The following POFUT2 variants were observed in gnomAD, a reference collection of about 807,000 sequenced individuals.
POFUT2 encodes the protein GDP-fucose protein O-fucosyltransferase 2.
Under a neutral mutation model 55.0 loss-of-function variants are expected in POFUT2, and 30 were observed. The observed-to-expected ratio is 0.55, with a 90% CI of 0.41 to 0.74. The LOEUF is 0.74. Among genes scored for constraint, POFUT2 ranks in the 30% least tolerant of loss-of-function variants. The pLI, the probability that POFUT2 is intolerant of heterozygous loss-of-function variation, is 0.00. For missense variants in POFUT2, 524 were observed against 562.6 expected, an observed-to-expected ratio of 0.93 and a Z score of 0.69; for synonymous variants, 267 against 231.1, an observed-to-expected ratio of 1.16 and a Z score of -1.41.
At position 45,264,611 on chromosome 21, in the gene POFUT2, AGGCCCCATGTGCACCTGCCAGCCGGGGC is replaced by A; in HGVS notation, c.*843_*870del. 6.7e-6 allele frequency: 1 copy of A among 149,958 alleles called. No individual in the cohort carries two copies. Among genetic ancestry groups the A allele is most frequent in the Admixed American group, 6.7e-5 (1 of 14,962 alleles). The allele number at this position is 149,958 out of a possible 1,614,324, so 9.3% of individuals were successfully genotyped here. On this transcript the variant is annotated 3_prime_UTR_variant, in exon 9 of 9. Transcript: ENST00000349485. ...TCTCAATAGCGAATGGCAGACCTGG[AGGCCCCATGTGCACCTGCCAGCCGGGGC>A]GAGGGCAGGGACGGCCAGCCGGGCG... is the stretch of plus-strand genomic sequence containing the variant.
At position 45,282,509 on chromosome 21, in the gene POFUT2, A is replaced by G. The variant is rs776933981; in HGVS notation, c.528-50T>C. Reference sequence around the variant, plus strand: ...TCTATCAGTTTATTTTGCTTTCACAAGGAAAACAAATCAAGTCTAGACACG... The same window carrying G: ...TCTATCAGTTTATTTTGCTTTCACAGGGAAAACAAATCAAGTCTAGACACG... On this transcript the variant is annotated intron_variant, in intron 3 of 8. Transcript: ENST00000349485. This position sits in a 1 kb window ranked among gnomAD's most constrained non-coding sequence, Gnocchi z 4.6. 8.9e-7 allele frequency: 1 copy of G among 1,125,810 alleles called. No individual in the cohort carries two copies. The highest frequency in any genetic ancestry group is 1.3e-6 in the Non-Finnish European group (1 of 742,802). 69.7% of individuals were successfully genotyped at this position (1,125,810 alleles called of 1,614,324 possible). A position where few individuals can be genotyped will look rare whatever the true frequency, so the allele number is the denominator to read the frequency against.
At chr21:45,273,231 A>G (rs2093234080) in intron 6 of POFUT2, among the ~76,000 whole-genome samples, 1 of 152,234 alleles carries the variant, frequency 6.6e-6, no homozygotes, top group South Asian at 2.1e-4. Context: ...TAGAAACACA[A>G]AATAATCATC....
In POFUT2 at chr21:45,274,221, GCAAA is replaced by G. The variant is rs944016466; in HGVS notation, c.831+2792_831+2795del. Among the ~76,000 whole-genome samples, 29 of 152,062 alleles carry G rather than the reference GCAAA, an allele frequency of 1.9e-4. 1 individual carries two copies. Among genetic ancestry groups the G allele is most frequent in the East Asian group, 3.9e-4 (2 of 5,190 alleles). ...GAACTCAACTCCTTTTACAACAGCT[GCAAA>G]CAAACAAACAAACAAAAACAACCAA... On this transcript the variant is annotated intron_variant, in intron 6 of 8. Coordinates refer to ENST00000349485, the MANE Select transcript of POFUT2 (RefSeq NM_133635.6).
At chr21:45,287,703 C>A in intron 1 of POFUT2, 38 bp downstream of exon 1, 1 of 1,403,224 alleles carries the variant, frequency 7.1e-7, no homozygotes, top group South Asian at 1.6e-5. Context: ...CTGCCCGGTC[C>A]TGGAACCCCA....
In POFUT2 at chr21:45,283,538, C is replaced by T. The variant is rs773996598; in HGVS notation, c.383-11G>A. 6.2e-7 allele frequency: 1 copy of T among 1,612,894 alleles called. No homozygotes were observed. Among genetic ancestry groups the T allele is most frequent in the African/African-American group, 1.3e-5 (1 of 74,856 alleles). ...AGGGCCCACCAGATTCTGAAAGACA[C>T]CAAGAAAAGCCAGGCAGTGTGACAG... is the stretch of plus-strand genomic sequence containing the variant. On this transcript the variant is annotated splice_polypyrimidine_tract_variant and intron_variant, in intron 2 of 8. Coordinates refer to ENST00000349485, the MANE Select transcript of POFUT2 (RefSeq NM_133635.6).
chr21:45,266,317 A>C, intron 8 of POFUT2: 3 of 1,364,444 alleles, frequency 2.2e-6, no homozygotes, highest in Non-Finnish European at 2.9e-6. Context: ...AGCAGGCCAC[A>C]CAGGCCTGTA....
rs2030030901 is a variant in POFUT2 at position 45,278,119 on chromosome 21, C to T, written c.689G>A (p.Gly230Glu). The change falls in exon 5 of 9, where the codon GGG becomes GAG. Residue 230 changes from glycine to glutamate, a missense_variant. This residue lies in a region of POFUT2 where 250 missense variants were observed against 318.2 expected (regional missense o/e 0.79). Coordinates refer to ENST00000349485, the MANE Select transcript of POFUT2 (RefSeq NM_133635.6). ...AACACTCACATCCCAGTATTCTTTC[C>T]CTCCATAGTGGTCGTGAAGTAGGTT... ...AENLLHDHYGGKEYWDTRRSM... is the reference protein window; with the variant it reads ...AENLLHDHYGEKEYWDTRRSM... The T allele has an allele frequency of 6.2e-7, 1 of 1,613,654 alleles. No individual in the cohort carries two copies. Among genetic ancestry groups the T allele is most frequent in the Non-Finnish European group, 8.5e-7 (1 of 1,179,530 alleles).
intron 7 of POFUT2, among the ~76,000 whole-genome samples, chr21:45,269,587 C>T (rs556721204): frequency 2.0e-5 from 3 of 152,078 alleles, no homozygotes; most frequent in East Asian, 1.9e-4. Context: ...CGCTTGAAGG[C>T]AGCATGCTCG....
intron 4 of POFUT2, 21 bp from the exon 5 acceptor site, chr21:45,278,190 A>G: frequency 6.3e-7 from 1 of 1,592,426 alleles, no homozygotes; most frequent in Non-Finnish European, 8.6e-7. Context: ...ACAACAGAAG[A>G]ATAAACAGTT....
Position 45,284,170 on chromosome 21 carries a change from C to T in POFUT2, c.383-643G>A, listed in dbSNP as rs951205167. On this transcript the variant is annotated intron_variant, in intron 2 of 8. Transcript: ENST00000349485. This position sits in a 1 kb window ranked among gnomAD's most constrained non-coding sequence, Gnocchi z 5.8. ...GGCAGGAACAAAGCGGGAGGGAGCA[C>T]CGCGCAGGTGAAATTCTGGGGCAGG... Among the ~76,000 whole-genome samples, 3 of 146,704 alleles carry T rather than the reference C, an allele frequency of 2.0e-5. No individual in the cohort carries two copies. Among genetic ancestry groups the T allele is most frequent in the Admixed American group, 6.8e-5 (1 of 14,604 alleles).
At position 45,287,732 on chromosome 21, in the gene POFUT2, C is replaced by G; in HGVS notation, c.131+9G>C. 6.9e-7 allele frequency: 1 copy of G among 1,443,724 alleles called. No individual in the cohort carries two copies. The highest frequency in any genetic ancestry group is 9.2e-7 in the Non-Finnish European group (1 of 1,089,164). The allele number at this position is 1,443,724 out of a possible 1,614,324, so 89.4% of individuals were successfully genotyped here. A position where few individuals can be genotyped will look rare whatever the true frequency, so the allele number is the denominator to read the frequency against. On this transcript the variant is annotated intron_variant, in intron 1 of 8. Transcript: ENST00000349485. ...AACCCCAGCGTTGGCACCGTGGACG[C>G]GCGTTTACCGTCTGCGGGAAGCCGC... is the stretch of plus-strand genomic sequence containing the variant.
chr21:45,283,330 G>A, intron 3 of POFUT2, 53 bp downstream of exon 3: 2 of 1,123,732 alleles, frequency 1.8e-6, no homozygotes, highest in Non-Finnish European at 2.4e-6. Flanking sequence ...GACGCATGCG[G>A]CAGGGGGAGG....
At chr21:45,283,044 C>T (rs1464453522) in intron 3 of POFUT2, 11 of 401,224 alleles carry the variant, frequency 2.7e-5, no homozygotes, top group African/African-American at 4.2e-5. Flanking sequence ...AAAGGGGAAC[C>T]GCCTGTCAAG....
intron 6 of POFUT2, among the ~76,000 whole-genome samples, chr21:45,272,461 G>A (rs1489859930): frequency 6.6e-6 from 1 of 152,110 alleles, no homozygotes; most frequent in Non-Finnish European, 1.5e-5. Flanking sequence ...CATAAGTGGG[G>A]ACTTCAATAC....
At chr21:45,274,867 C>T (rs8132135) in intron 6 of POFUT2, among the ~76,000 whole-genome samples, 62,453 of 152,046 alleles carry the variant, frequency 0.41, 13,364 homozygotes, top group South Asian at 0.54. Context: ...CTTCTAGACA[C>T]TGGCTTAGGC....
At chr21:45,268,520 T>C in intron 7 of POFUT2, among the ~76,000 whole-genome samples, 3 of 137,866 alleles carry the variant, frequency 2.2e-5, no homozygotes, top group Admixed American at 7.2e-5. Flanking sequence ...CCGGCCGCCA[T>C]CCCATCTAGG....
At position 45,285,761 on chromosome 21, in the gene POFUT2, A is replaced by T; in HGVS notation, c.299T>A (p.Val100Asp). ...YHWQSPDIHQ[V>D]RIPWSEFFDL... ...AAAAAACTCAGACCAGGGAATCCGGACCTGGTGGATGTCAGGACTCTGCCA... is the reference window on the plus strand; with the variant it reads ...AAAAAACTCAGACCAGGGAATCCGGTCCTGGTGGATGTCAGGACTCTGCCA... The change falls in exon 2 of 9, where the codon GTC (valine) becomes GAC (aspartate). Residue 100 changes from valine to aspartate, a missense_variant. Val to Asp is a radical substitution (Grantham distance 152, BLOSUM62 -3). Around this residue, in one of 2 missense-constraint regions of POFUT2, gnomAD observed 274 missense variants for 244.4 expected, o/e 1.12. Coordinates refer to ENST00000349485, the MANE Select transcript of POFUT2 (RefSeq NM_133635.6). The surrounding 1 kb of genome is among the most constrained non-coding windows in gnomAD (Gnocchi z 4.9). The T allele has an allele frequency of 6.2e-7, 1 of 1,613,502 alleles. No homozygotes were observed. The highest frequency in any genetic ancestry group is 8.5e-7 in the Non-Finnish European group (1 of 1,179,720).
chr21:45,285,557 G>T lies in POFUT2; in HGVS notation c.382+121C>A. On this transcript the variant is annotated intron_variant, in intron 2 of 8. Transcript: ENST00000349485. This position sits in a 1 kb window ranked among gnomAD's most constrained non-coding sequence, Gnocchi z 4.9. ...CACAGGCCTCAGGCAGCAGCACTGG[G>T]CACTGGAGGATGCTGGTGAGGCTGG... 1 of 1,194,086 alleles carries T rather than the reference G, an allele frequency of 8.4e-7. No individual in the cohort carries two copies. Among genetic ancestry groups the T allele is most frequent in the Non-Finnish European group, 1.2e-6 (1 of 818,920 alleles). 74.0% of individuals were successfully genotyped at this position (1,194,086 alleles called of 1,614,324 possible).
At chr21:45,286,338 A>G (rs571353830) in intron 1 of POFUT2, among the ~76,000 whole-genome samples, 5 of 152,364 alleles carry the variant, frequency 3.3e-5, no homozygotes, top group African/African-American at 1.2e-4. Context: ...TTCAGCTAAA[A>G]ATAAGAAGCC....
Sources: allele counts gnomAD v4.1 joint callset (sites outside exome capture counted in the v4.1 genomes callset), GRCh38; gene constraint gnomAD v4.1.1; regional missense constraint gnomAD v4.1.1; non-coding constraint Gnocchi (gnomAD v3.1); transcripts MANE v1.5; gene names NCBI Gene and HGNC (gene_info 2026-07-23, HGNC 2026-07-21).